The following CACHD1 variants were observed in gnomAD, a reference collection of about 807,000 sequenced individuals.
CACHD1 encodes cache domain containing 1, also known as VWFA and cache domain-containing protein 1.
In CACHD1, 71 loss-of-function variants were observed where a neutral mutation model predicts 138.7. The observed-to-expected ratio is 0.51, with a 90% CI of 0.42 to 0.62. The LOEUF (loss-of-function observed/expected upper bound fraction) is 0.62. Ranked by LOEUF, CACHD1 falls within the 20% of genes least tolerant of loss-of-function variation. The pLI is 0.00. For synonymous variants in CACHD1, 578 were observed against 591.5 expected (o/e 0.98, Z 0.33); for missense variants, 1,389 against 1,625.3 (o/e 0.85, Z 2.50).
At chr1:64,645,949 A>T (rs1248203741) in intron 8 of CACHD1, among the ~76,000 whole-genome samples, 1 of 152,138 alleles carries the variant, frequency 6.6e-6, no homozygotes, top group Admixed American at 6.5e-5. Flanking sequence ...ATCCTGGGAA[A>T]TGTAGTTTCT....
At chr1:64,572,296 G>A (rs1646932955) in intron 2 of CACHD1, among the ~76,000 whole-genome samples, 1 of 152,154 alleles carries the variant, frequency 6.6e-6, no homozygotes, top group East Asian at 1.9e-4. Context: ...GGAATAGACG[G>A]TAAACTTTCA....
Position 64,478,453 on chromosome 1 carries a change from C to T in CACHD1, c.198+7511C>T, listed in dbSNP as rs185629930. Among the ~76,000 whole-genome samples the T allele has an allele frequency of 2.1e-4, 32 of 152,256 alleles. No individual in the cohort carries two copies. In the East Asian group the frequency reaches 4.2e-3, roughly 20 times the overall value. On this transcript the variant is annotated intron_variant, in intron 1 of 26. Coordinates refer to ENST00000651257, the MANE Select transcript of CACHD1 (RefSeq NM_020925.4). Reference sequence around the variant, plus strand: ...AGACAAGAGTCAGAAAAGGACTAAGCGAGATAGCTGTAACTGGGAGAGAAG... The same window carrying T: ...AGACAAGAGTCAGAAAAGGACTAAGTGAGATAGCTGTAACTGGGAGAGAAG...
chr1:64,654,062 C>T (rs1467294863), intron 11 of CACHD1, among the ~76,000 whole-genome samples, 181 bp downstream of exon 11: 1 of 152,156 alleles, frequency 6.6e-6, no homozygotes, highest in Non-Finnish European at 1.5e-5. Context: ...CTTTGTATCA[C>T]AGATAAGGTG....
At chr1:64,573,015 T>C (rs1441902606) in intron 2 of CACHD1, among the ~76,000 whole-genome samples, 2 of 152,206 alleles carry the variant, frequency 1.3e-5, no homozygotes, top group African/African-American at 2.4e-5. Flanking sequence ...CTAGTGGTGA[T>C]GAGCAGCCAT....
intron 2 of CACHD1, among the ~76,000 whole-genome samples, chr1:64,577,651 TG>T (rs1452284958): frequency 6.6e-6 from 1 of 152,160 alleles, no homozygotes; most frequent in African/African-American, 2.4e-5. Flanking sequence ...AGGATTAAGT[TG>T]GTATATGCAT....
At chr1:64,654,305 C>T (rs1649194913) in intron 11 of CACHD1, among the ~76,000 whole-genome samples, 1 of 152,196 alleles carries the variant, frequency 6.6e-6, no homozygotes, top group Admixed American at 6.5e-5. Context: ...CAATCTTATA[C>T]ATTGTTTTTT....
At chr1:64,645,095 TC>T (rs1165421586) in intron 8 of CACHD1, among the ~76,000 whole-genome samples, 2 of 151,864 alleles carry the variant, frequency 1.3e-5, no homozygotes, top group Non-Finnish European at 2.9e-5. Context: ...ATACTCTGTC[TC>T]AAAAAATAAA....
chr1:64,526,926 T>G (rs1187178491), intron 1 of CACHD1, among the ~76,000 whole-genome samples: 3 of 152,228 alleles, frequency 2.0e-5, no homozygotes, highest in African/African-American at 7.2e-5. Context: ...GAAAACCATG[T>G]GAGCCATCTA....
rs974535871 is a variant in CACHD1 at position 64,612,459 on chromosome 1, C to T, written c.517+9547C>T. ...ATTAATGTTGGTGGTTACTTATCGT[C>T]GTTGTTGCTAAATTTTATAATGAGT... On this transcript the variant is annotated intron_variant, in intron 4 of 26. Coordinates refer to ENST00000651257, the MANE Select transcript of CACHD1 (RefSeq NM_020925.4). Among the ~76,000 whole-genome samples the T allele has an allele frequency of 7.9e-5, 12 of 152,084 alleles. 1 individual carries two copies. The highest frequency in any genetic ancestry group is 2.4e-4 in the African/African-American group (10 of 41,500).
Position 64,582,143 on chromosome 1 carries a change from T to G in CACHD1, c.262-13T>G. 6.2e-7 allele frequency: 1 copy of G among 1,613,384 alleles called. No individual in the cohort carries two copies. Among genetic ancestry groups the G allele is most frequent in the South Asian group, 1.1e-5 (1 of 90,982 alleles). ...TGGACTTTCGATTTATTTTGCTCAC[T>G]GTCATCCCACAGCTAGCCAAAAAAA... On this transcript the variant is annotated splice_polypyrimidine_tract_variant and intron_variant, in intron 2 of 26. Transcript: ENST00000651257.
intron 2 of CACHD1, among the ~76,000 whole-genome samples, chr1:64,560,343 A>G (rs913573582): frequency 9.2e-5 from 14 of 152,068 alleles, no homozygotes; most frequent in African/African-American, 3.4e-4. Context: ...GATGCATTTA[A>G]AGCTATAAAC....
intron 26 of CACHD1, among the ~76,000 whole-genome samples, chr1:64,690,477 C>G (rs1650511430): frequency 6.6e-6 from 1 of 152,104 alleles, no homozygotes; most frequent in Non-Finnish European, 1.5e-5. Flanking sequence ...CCAGGAATCT[C>G]AGAATGGAAT....
At chr1:64,507,610 A>G (rs144055270) in intron 1 of CACHD1, among the ~76,000 whole-genome samples, 147 of 152,336 alleles carry the variant, frequency 9.6e-4, no homozygotes, top group African/African-American at 3.5e-3. Context: ...GAATCCGCAG[A>G]CAGCCCAGGA....
intron 26 of CACHD1, among the ~76,000 whole-genome samples, chr1:64,690,024 G>A (rs1224789200): frequency 1.3e-5 from 2 of 152,072 alleles, no homozygotes; most frequent in East Asian, 1.9e-4. Context: ...CTCTTCTCCC[G>A]CTCCAGCCCC....
chr1:64,470,194 T>G lies in CACHD1; in HGVS notation c.-551T>G, dbSNP rs554225535. ...CCAGACGCCTCCCTTTCCCCACCGCTTGCTTTCTTTCTTTCAGTTGTGTGG... is the reference window on the plus strand; with the variant it reads ...CCAGACGCCTCCCTTTCCCCACCGCGTGCTTTCTTTCTTTCAGTTGTGTGG... On this transcript the variant is annotated 5_prime_UTR_variant, in exon 1 of 27. Transcript: ENST00000651257. The surrounding 1 kb of genome is among the most constrained non-coding windows in gnomAD (Gnocchi z 5.2). Among the ~76,000 whole-genome samples, 1 of 152,054 alleles carries G rather than the reference T, an allele frequency of 6.6e-6. No homozygotes were observed. The highest frequency in any genetic ancestry group is 6.5e-5 in the Admixed American group (1 of 15,298).
intron 3 of CACHD1, among the ~76,000 whole-genome samples, chr1:64,591,803 A>G (rs950524882): frequency 6.6e-6 from 1 of 152,320 alleles, no homozygotes; most frequent in Non-Finnish European, 1.5e-5. Context: ...TAGGTGGCCA[A>G]AGTTGATTTT....
At chr1:64,549,229 T>A (rs1206212638) in intron 1 of CACHD1, among the ~76,000 whole-genome samples, 4 of 152,146 alleles carry the variant, frequency 2.6e-5, no homozygotes, top group Non-Finnish European at 5.9e-5. Flanking sequence ...AATAAATAAA[T>A]GTAATGTGCT....
chr1:64,655,118 T>A (rs1001005050), intron 12 of CACHD1, among the ~76,000 whole-genome samples: 2 of 152,094 alleles, frequency 1.3e-5, no homozygotes, highest in Non-Finnish European at 2.9e-5. Context: ...AATGTAAAAA[T>A]TAGCCAGACG....
Position 64,691,341 on chromosome 1 carries a change from C to T in CACHD1, c.3605C>T (p.Pro1202Leu). ...ESDHGYSTMSPQEDSENPPCN... is the reference protein window; with the variant it reads ...ESDHGYSTMSLQEDSENPPCN... ...TTTCTAGGTTACAGCACCATGAGCCCACAGGAGGACAGTGAAAATCCTCCA... is the reference window on the plus strand; with the variant it reads ...TTTCTAGGTTACAGCACCATGAGCCTACAGGAGGACAGTGAAAATCCTCCA... The change falls in exon 27 of 27, where the codon CCA (proline) becomes CTA (leucine). Residue 1202 changes from proline to leucine, a missense_variant. Pro to Leu is a moderately conservative substitution (Grantham distance 98). Coordinates refer to ENST00000651257, the MANE Select transcript of CACHD1 (RefSeq NM_020925.4). 1 of 1,613,950 alleles carries T rather than the reference C, an allele frequency of 6.2e-7. No individual in the cohort carries two copies.
Sources: allele counts gnomAD v4.1 joint callset (sites outside exome capture counted in the v4.1 genomes callset), GRCh38; gene constraint gnomAD v4.1.1; non-coding constraint Gnocchi (gnomAD v3.1); transcripts MANE v1.5; gene names NCBI Gene and HGNC (gene_info 2026-07-23, HGNC 2026-07-21).